TSPAN12: variants seen among roughly 807,000 people sequenced by gnomAD.
TSPAN12 encodes tetraspanin-12.
A neutral mutation model predicts 39.2 loss-of-function variants in TSPAN12; 19 were observed. The observed-to-expected ratio is 0.49, with a 90% CI of 0.34 to 0.71. The LOEUF is 0.71. TSPAN12 is among the 30% of genes least tolerant of loss of function. The probability of loss-of-function intolerance (pLI) is 0.01; values close to 1 mark genes in which losing one functional copy is unlikely to be tolerated. For missense variants in TSPAN12, 314 were observed against 359.9 expected (o/e 0.87, Z 1.03); for synonymous variants, 119 against 124.8 (o/e 0.95, Z 0.31).
intron 4 of TSPAN12, among the ~76,000 whole-genome samples, chr7:120,833,436 T>A (rs1302501211): frequency 6.6e-6 from 1 of 151,850 alleles, no homozygotes; most frequent in African/African-American, 2.4e-5. Flanking sequence ...AAGGGGAAAT[T>A]TCTCCAAGGC....
chr7:120,853,608 C>A (rs1218917142), intron 2 of TSPAN12, among the ~76,000 whole-genome samples: 1 of 150,194 alleles, frequency 6.7e-6, no homozygotes, highest in Non-Finnish European at 1.5e-5. Context: ...GGCACAGTGG[C>A]TCACACCTGT....
intron 7 of TSPAN12, among the ~76,000 whole-genome samples, chr7:120,798,721 C>T (rs1022004443): frequency 6.6e-6 from 1 of 152,134 alleles, no homozygotes; most frequent in Non-Finnish European, 1.5e-5. Context: ...CCTTCGGTAT[C>T]CCTGTAAATG....
chr7:120,809,049 T>C (rs1036129758), intron 6 of TSPAN12, among the ~76,000 whole-genome samples: 4 of 151,484 alleles, frequency 2.6e-5, no homozygotes, highest in Non-Finnish European at 5.9e-5. Context: ...CAAGCAGTCA[T>C]TGCAAACTAA....
intron 4 of TSPAN12, among the ~76,000 whole-genome samples, chr7:120,817,865 G>A (rs2116395805): frequency 6.6e-6 from 1 of 152,270 alleles, no homozygotes; most frequent in South Asian, 2.1e-4. Flanking sequence ...TGGACTGAAA[G>A]CTCCACTAAG....
chr7:120,830,351 A>G (rs1794367940), intron 4 of TSPAN12, among the ~76,000 whole-genome samples: 1 of 152,186 alleles, frequency 6.6e-6, no homozygotes. Context: ...AGTAACCCTG[A>G]GCAAAAACAA....
At position 120,856,737 on chromosome 7, in the gene TSPAN12, A is replaced by G. The variant is rs150994625; in HGVS notation, c.27T>C (p.Cys9=). The change falls in exon 2 of 8, where the codon TGT becomes TGC. Residue 9 remains cysteine, a synonymous_variant. Transcript: ENST00000222747. ...TGAGGGCGTAGAGCAGGCAGCGCAG[A>G]CACTTCACGGAATCTTCTCTGGCCA... MAREDSVK[C]LRCLLYALNL... 7 of 1,614,232 alleles carry G rather than the reference A, an allele frequency of 4.3e-6. No individual in the cohort carries two copies. Among genetic ancestry groups the G allele is most frequent in the Non-Finnish European group, 5.9e-6 (7 of 1,180,040 alleles).
chr7:120,804,149 G>A (rs1793826552), intron 7 of TSPAN12, among the ~76,000 whole-genome samples: 1 of 152,086 alleles, frequency 6.6e-6, no homozygotes, highest in Non-Finnish European at 1.5e-5. Flanking sequence ...CTAACAAATG[G>A]ACAATTCACA....
chr7:120,838,993 T>A (rs1483916093), intron 3 of TSPAN12, 81 bp from the exon 4 acceptor site: 2 of 1,433,024 alleles, frequency 1.4e-6, no homozygotes, highest in African/African-American at 2.8e-5. Flanking sequence ...CAACTGTGAT[T>A]TGTGTTAATA....
chr7:120,799,793 T>A (rs1183588314), intron 7 of TSPAN12, among the ~76,000 whole-genome samples: 3 of 136,074 alleles, frequency 2.2e-5, no homozygotes, highest in African/African-American at 8.2e-5. Flanking sequence ...ATATAATAAA[T>A]ATATTAAATA....
In TSPAN12 at chr7:120,838,852, A is replaced by C; in HGVS notation, c.210T>G (p.Val70=). 1.9e-6 allele frequency: 3 copies of C among 1,614,096 alleles called. No homozygotes were observed. The highest frequency in any genetic ancestry group is 2.5e-6 in the Non-Finnish European group (3 of 1,179,966). ...FPVVHPVMIA[V]CCFLIIVGML... ...TCCCCACAATGATAAGGAAACAGCAAACAGCAATCATGACCGGATGAACCA... is the reference window on the plus strand; with the variant it reads ...TCCCCACAATGATAAGGAAACAGCACACAGCAATCATGACCGGATGAACCA... The change falls in exon 4 of 8, where the codon GTT becomes GTG. Residue 70 remains valine (V), a synonymous_variant. Coordinates refer to ENST00000222747, the MANE Select transcript of TSPAN12 (RefSeq NM_012338.4).
chr7:120,827,049 T>C (rs76869032), intron 4 of TSPAN12, among the ~76,000 whole-genome samples: 240 of 152,308 alleles, frequency 1.6e-3, no homozygotes, highest in African/African-American at 5.3e-3. Context: ...ATGAAAACAC[T>C]TTCATAAGAC....
At chr7:120,805,631 C>T (rs1158510659) in intron 7 of TSPAN12, among the ~76,000 whole-genome samples, 3 of 152,044 alleles carry the variant, frequency 2.0e-5, no homozygotes, top group Admixed American at 6.6e-5. Context: ...ATCTGATTCA[C>T]ATTTTACATT....
intron 4 of TSPAN12, among the ~76,000 whole-genome samples, chr7:120,830,602 G>A (rs1794372439): frequency 6.6e-6 from 1 of 151,920 alleles, no homozygotes; most frequent in Admixed American, 6.6e-5. Context: ...ATATGCAGAA[G>A]AATAAAATTA....
chr7:120,856,929 G>C, intron 1 of TSPAN12, 96 bp from the exon 2 acceptor site: 1 of 710,942 alleles, frequency 1.4e-6, no homozygotes. Context: ...GCAGGGTCCA[G>C]AGGGTCCCGA....
chr7:120,815,662 C>T (rs1794065122), intron 5 of TSPAN12, 67 bp downstream of exon 5: 1 of 1,388,542 alleles, frequency 7.2e-7, no homozygotes, highest in African/African-American at 1.4e-5. Flanking sequence ...AATGAACTAA[C>T]ACAAGTATCT....
At chr7:120,807,214 A>G (rs1201286327) in intron 6 of TSPAN12, among the ~76,000 whole-genome samples, 1 of 152,190 alleles carries the variant, frequency 6.6e-6, no homozygotes, top group East Asian at 1.9e-4. Flanking sequence ...AACTTTAAGA[A>G]ATAAACATAG....
chr7:120,846,557 T>C (rs906520984), intron 2 of TSPAN12, among the ~76,000 whole-genome samples: 1 of 152,240 alleles, frequency 6.6e-6, no homozygotes, highest in Admixed American at 6.5e-5. Context: ...TTCCAAGACA[T>C]TTCTTATATG....
At chr7:120,848,193 A>T (rs1351099440) in intron 2 of TSPAN12, among the ~76,000 whole-genome samples, 1 of 152,146 alleles carries the variant, frequency 6.6e-6, no homozygotes, top group East Asian at 1.9e-4. Flanking sequence ...CAGTGTAAAG[A>T]TTCTCTCCCA....
intron 2 of TSPAN12, among the ~76,000 whole-genome samples, chr7:120,854,082 G>A (rs1277822043): frequency 1.3e-5 from 2 of 152,080 alleles, no homozygotes; most frequent in African/African-American, 4.8e-5. Flanking sequence ...CTGCTCACTG[G>A]TAGTAGGGTA....
Sources: allele counts gnomAD v4.1 joint callset (sites outside exome capture counted in the v4.1 genomes callset), GRCh38; gene constraint gnomAD v4.1.1; transcripts MANE v1.5; gene names NCBI Gene and HGNC (gene_info 2026-07-23, HGNC 2026-07-21).